Variants in SETD5 observed in about 807,000 individuals in gnomAD.
SETD5 encodes SET domain containing 5, also known as histone-lysine N-methyltransferase SETD5.
A neutral mutation model predicts 153.3 loss-of-function variants in SETD5; 44 were observed. That is an observed-to-expected ratio of 0.29 (90% CI 0.23 to 0.37). The LOEUF is 0.37. SETD5 is among the 10% of genes least tolerant of loss of function. SETD5 has a pLI of 1.00. For synonymous variants in SETD5, 716 were observed against 645.2 expected (o/e 1.11, Z -1.66); for missense variants, 1,544 against 1,768.0 (o/e 0.87, Z 2.27).
At chr3:9,433,644 C>A in intron 3 of SETD5, 1 of 877,020 alleles carries the variant, frequency 1.1e-6, no homozygotes, top group African/African-American at 1.7e-5. Context: ...CTTCATGTTA[C>A]ACACAAATCC....
At chr3:9,450,676 T>A (rs1407692363) in intron 16 of SETD5, among the ~76,000 whole-genome samples, 8 of 152,112 alleles carry the variant, frequency 5.3e-5, no homozygotes, top group Non-Finnish European at 1.2e-4. Context: ...ATTCTGAAAA[T>A]CCCTCAGAGT....
intron 2 of SETD5, 53 bp from the exon 3 acceptor site, chr3:9,428,770 C>A: frequency 2.3e-6 from 1 of 444,168 alleles, no homozygotes; most frequent in Non-Finnish European, 4.1e-6. Context: ...ACTTGAAGAA[C>A]TATCTGATAA....
At chr3:9,413,139 G>C (rs1433866659) in intron 1 of SETD5, among the ~76,000 whole-genome samples, 2 of 152,156 alleles carry the variant, frequency 1.3e-5, no homozygotes, top group African/African-American at 4.8e-5. Flanking sequence ...TTTCCCTGTT[G>C]ATACTGCTTG....
chr3:9,474,939 C>G (rs1354936632), intron 21 of SETD5, 129 bp from the exon 22 acceptor site: 2 of 806,622 alleles, frequency 2.5e-6, no homozygotes. Flanking sequence ...GCATGCTGCA[C>G]TCACCCAATT....
chr3:9,401,208 T>C (rs1212495882), intron 1 of SETD5, among the ~76,000 whole-genome samples: 1 of 152,230 alleles, frequency 6.6e-6, no homozygotes, highest in Non-Finnish European at 1.5e-5. Flanking sequence ...AGGTTCCAAT[T>C]CTTATTACTA....
chr3:9,412,135 C>G (rs2036657634), intron 1 of SETD5, among the ~76,000 whole-genome samples: 1 of 151,762 alleles, frequency 6.6e-6, no homozygotes, highest in Admixed American at 6.6e-5. Context: ...TCTTTACATG[C>G]CCTCAAAGTA....
intron 1 of SETD5, among the ~76,000 whole-genome samples, chr3:9,413,724 A>G (rs2036977517): frequency 6.6e-6 from 1 of 150,710 alleles, no homozygotes; most frequent in Admixed American, 6.6e-5. Context: ...GGCCTCTTCC[A>G]GCAAAGAGTA....
At chr3:9,465,209 CTCTT>C (rs988874067) in intron 18 of SETD5, among the ~76,000 whole-genome samples, 30 of 152,182 alleles carry the variant, frequency 2.0e-4, no homozygotes, top group Non-Finnish European at 7.3e-5. Flanking sequence ...GTTACTTTCC[CTCTT>C]TGTTATAATG....
intron 7 of SETD5, among the ~76,000 whole-genome samples, chr3:9,438,388 C>G (rs1449221460): frequency 6.6e-6 from 1 of 152,154 alleles, no homozygotes; most frequent in Non-Finnish European, 1.5e-5. Flanking sequence ...TCTTATCAAG[C>G]AACTATCATA....
chr3:9,451,507 C>T (rs967229042), intron 16 of SETD5, among the ~76,000 whole-genome samples: 2 of 152,142 alleles, frequency 1.3e-5, no homozygotes, highest in Non-Finnish European at 2.9e-5. Flanking sequence ...AGTGCAGTGG[C>T]ATCATCACAG....
Position 9,475,482 on chromosome 3 carries a change from G to C in SETD5, c.3721-1G>C, listed in dbSNP as rs1226313778. 1 of 1,605,320 alleles carries C rather than the reference G, an allele frequency of 6.2e-7. No homozygotes were observed. Among genetic ancestry groups the C allele is most frequent in the East Asian group, 2.2e-5 (1 of 44,642 alleles). ...ATTCGTTTCCTCCCAACTTTGTCTA[G>C]CTCCTGCAGTGTGATAGTCCTCGGA... On this transcript the variant is annotated splice_acceptor_variant, in intron 22 of 22. Coordinates refer to ENST00000402198, the MANE Select transcript of SETD5 (RefSeq NM_001080517.3). LOFTEE classifies it high-confidence loss of function.
rs1321985730 is a variant in SETD5, at chr3:9,473,493, T to C, written c.3453T>C (p.Thr1151=). 6.2e-6 allele frequency: 10 copies of C among 1,613,848 alleles called. No homozygotes were observed. The highest frequency in any genetic ancestry group is 6.8e-6 in the Non-Finnish European group (8 of 1,179,830). Residue 1151 remains threonine (T), a synonymous_variant, in exon 20 of 23, where the codon ACT becomes ACC. Coordinates refer to ENST00000402198, the MANE Select transcript of SETD5 (RefSeq NM_001080517.3). ...TAAGCCCATCAGATTCCAGAGGCAC[T>C]TCTTCATCTCACTGCAGACCTCAAG... ...EAVSPSDSRG[T]SSSHCRPQEN...
intron 1 of SETD5, among the ~76,000 whole-genome samples, chr3:9,413,649 G>GGGTGTGTGTGTGT (rs200761097): frequency 2.4e-4 from 34 of 140,360 alleles, no homozygotes; most frequent in South Asian, 4.6e-4. Flanking sequence ...GGGGAGGCGG[G>GGGTGTGTGTGTGT]GTGTGTGTGT....
chr3:9,475,410 G>A (rs1223795575), intron 22 of SETD5, 73 bp from the exon 23 acceptor site: 2 of 1,532,764 alleles, frequency 1.3e-6, no homozygotes, highest in East Asian at 2.3e-5. Flanking sequence ...AGAATGTAGG[G>A]TATTATAAAT....
At chr3:9,406,091 A>G (rs961109180) in intron 1 of SETD5, among the ~76,000 whole-genome samples, 1 of 152,176 alleles carries the variant, frequency 6.6e-6, no homozygotes, top group African/African-American at 2.4e-5. Flanking sequence ...TTATTAACGT[A>G]GGCTGTTGAG....
At chr3:9,414,226 T>C (rs1218957013) in intron 1 of SETD5, among the ~76,000 whole-genome samples, 1 of 152,214 alleles carries the variant, frequency 6.6e-6, no homozygotes. Flanking sequence ...ATATTGGTAC[T>C]AGAACAAATG....
chr3:9,448,979 A>AT (rs1412755140), intron 16 of SETD5, among the ~76,000 whole-genome samples: 11 of 152,236 alleles, frequency 7.2e-5, no homozygotes, highest in Admixed American at 1.3e-4. Flanking sequence ...TAACATGTCC[A>AT]TTTATGATTA....
At chr3:9,440,362 A>T (rs915333953) in intron 7 of SETD5, 94 bp from the exon 8 acceptor site, 2 of 679,700 alleles carry the variant, frequency 2.9e-6, no homozygotes, top group Non-Finnish European at 5.3e-6. Flanking sequence ...CCAAGTGATA[A>T]ATTTTCTCTG....
chr3:9,437,522 C>T (rs998316315), intron 7 of SETD5, among the ~76,000 whole-genome samples: 9 of 145,026 alleles, frequency 6.2e-5, no homozygotes, highest in Non-Finnish European at 1.1e-4. Flanking sequence ...TCCTCCTTTA[C>T]GTGTGTGTGT....
Sources: gnomAD v4.1 joint callset for allele counts (sites outside exome capture counted in the v4.1 genomes callset) on GRCh38, gnomAD v4.1.1 for gene constraint, MANE v1.5 for transcripts, NCBI Gene and HGNC (gene_info 2026-07-23, HGNC 2026-07-21) for gene names.